The following GFRA2 variants were observed in gnomAD, a reference collection of about 807,000 sequenced individuals.
GFRA2 encodes GDNF family receptor alpha 2, also known as GDNF family receptor alpha-2.
Under a neutral mutation model 48.3 loss-of-function variants are expected in GFRA2, and 17 were observed. That is an observed-to-expected ratio of 0.35 (90% CI 0.24 to 0.53). The LOEUF is 0.53. Among genes scored for constraint, GFRA2 ranks in the 20% least tolerant of loss-of-function variants. The pLI, the probability that GFRA2 is intolerant of heterozygous loss-of-function variation, is 0.93. For missense variants in GFRA2, 660 were observed against 637.3 expected (o/e 1.04, Z -0.38); for synonymous variants, 305 against 257.2 (o/e 1.19, Z -1.78).
Position 21,767,410 on chromosome 8 carries a change from CAAT to C in GFRA2, c.439+7559_439+7561del, listed in dbSNP as rs972228200. ...GGCACACACACGTGTTCCCGTCACACAATGACCCCTCTCCCGCTGTTCCTCACC... is the reference window on the plus strand; with the variant it reads ...GGCACACACACGTGTTCCCGTCACACGACCCCTCTCCCGCTGTTCCTCACC... On this transcript the variant is annotated intron_variant, in intron 3 of 8. Transcript: ENST00000524240. Among the ~76,000 whole-genome samples, 153 of 152,358 alleles carry C rather than the reference CAAT, an allele frequency of 1.0e-3. 1 individual carries two copies. The highest frequency in any genetic ancestry group is 3.6e-3 in the African/African-American group (150 of 41,596).
At chr8:21,780,242 G>A (rs886189556) in intron 2 of GFRA2, among the ~76,000 whole-genome samples, 10 of 151,994 alleles carry the variant, frequency 6.6e-5, no homozygotes, top group East Asian at 3.9e-4. Context: ...TACGATGGCC[G>A]ATGGCCGGCA....
Position 21,735,563 on chromosome 8 carries a change from GTCTC to G in GFRA2, c.794+15021_794+15024del, listed in dbSNP as rs149803997. Among the ~76,000 whole-genome samples, 163 of 151,820 alleles carry G rather than the reference GTCTC, an allele frequency of 1.1e-3. 3 individuals carry two copies. In the East Asian group the frequency reaches 0.028, roughly 26 times the overall value. On this transcript the variant is annotated intron_variant, in intron 4 of 8. Transcript: ENST00000524240. ...CCCCACCCACTGCTGGTGCTGAGTG[GTCTC>G]TCTGAGGACCCCCAACTGGGCCAAC...
chr8:21,706,426 G>A (rs1183415208), intron 4 of GFRA2: 1 of 464,344 alleles, frequency 2.2e-6, no homozygotes, highest in Non-Finnish European at 4.3e-6. Flanking sequence ...CTGCAGCCCT[G>A]GATGAGCCTG....
intron 3 of GFRA2, among the ~76,000 whole-genome samples, chr8:21,773,900 C>T (rs1057338929): frequency 5.9e-5 from 9 of 152,092 alleles, no homozygotes; most frequent in African/African-American, 2.2e-4. Context: ...CCAGTGGGGC[C>T]GGGGACATTG....
At chr8:21,785,174 G>T (rs971383596) in intron 1 of GFRA2, among the ~76,000 whole-genome samples, 4 of 152,190 alleles carry the variant, frequency 2.6e-5, no homozygotes, top group Non-Finnish European at 4.4e-5. Flanking sequence ...TAGCCCAGGG[G>T]ATTCAGGGCA....
Position 21,786,469 on chromosome 8 carries a change from G to T in GFRA2, c.40+1651C>A, listed in dbSNP as rs368097521. 2.1e-3 allele frequency among the ~76,000 whole-genome samples: 326 copies of T among 152,318 alleles called. 1 individual carries two copies. Among genetic ancestry groups the T allele is most frequent in the African/African-American group, 7.5e-3 (311 of 41,570 alleles). On this transcript the variant is annotated intron_variant, in intron 1 of 8. Transcript: ENST00000524240. ...CCCTGATCATGCTTGGACCCAGAAGGCTGGGTTTTCAAGCTAGCAGTGGGA... is the reference window on the plus strand; with the variant it reads ...CCCTGATCATGCTTGGACCCAGAAGTCTGGGTTTTCAAGCTAGCAGTGGGA...
chr8:21,713,501 AC>A (rs1803176941), intron 4 of GFRA2, among the ~76,000 whole-genome samples: 4 of 152,008 alleles, frequency 2.6e-5, no homozygotes, highest in Admixed American at 2.6e-4. Flanking sequence ...CAGCTTGGCA[AC>A]AGTACTTGAT....
At chr8:21,755,748 G>C (rs1805536591) in intron 3 of GFRA2, among the ~76,000 whole-genome samples, 1 of 152,246 alleles carries the variant, frequency 6.6e-6, no homozygotes, top group Non-Finnish European at 1.5e-5. Context: ...GAGGGGAGCA[G>C]GTGCAATCGC....
chr8:21,782,332 A>T (rs1585337421), intron 2 of GFRA2, among the ~76,000 whole-genome samples: 1 of 50,686 alleles, frequency 2.0e-5, no homozygotes, highest in Non-Finnish European at 3.7e-5. Context: ...TCCTCCTCCC[A>T]CCACCTCCCT....
In GFRA2 at chr8:21,782,713, T is replaced by A; in HGVS notation, c.227A>T (p.Lys76Met). The change falls in exon 2 of 9, where the codon AAG (lysine) becomes ATG (methionine). Residue 76 changes from lysine to methionine, a missense_variant. Physicochemically the swap from Lys to Met is moderately conservative, Grantham distance 95 (BLOSUM62 -1). Coordinates refer to ENST00000524240, the MANE Select transcript of GFRA2 (RefSeq NM_001495.5). ...GRDRNTMLAN[K>M]ECQAALEVLQ... Reference sequence around the variant, plus strand: ...GACCTCCAAGGCCGCCTGGCACTCCTTGTTGGCCAGCATGGTGTTGCGGTC... The same window carrying A: ...GACCTCCAAGGCCGCCTGGCACTCCATGTTGGCCAGCATGGTGTTGCGGTC... 1 of 1,596,630 alleles carries A rather than the reference T, an allele frequency of 6.3e-7. No homozygotes were observed. Among genetic ancestry groups the A allele is most frequent in the Non-Finnish European group, 8.5e-7 (1 of 1,172,122 alleles).
intron 3 of GFRA2, among the ~76,000 whole-genome samples, chr8:21,772,614 G>C (rs922325897): frequency 2.0e-5 from 3 of 152,160 alleles, no homozygotes; most frequent in Admixed American, 6.5e-5. Flanking sequence ...AGGAGGGACC[G>C]GCACAGTCCC....
chr8:21,708,290 T>G (rs1030341104), intron 4 of GFRA2, among the ~76,000 whole-genome samples: 2 of 152,148 alleles, frequency 1.3e-5, no homozygotes, highest in Non-Finnish European at 2.9e-5. Context: ...CAAGCAATCC[T>G]TCACCCCTGC....
At chr8:21,768,214 C>T (rs1806273774) in intron 3 of GFRA2, among the ~76,000 whole-genome samples, 2 of 152,246 alleles carry the variant, frequency 1.3e-5, no homozygotes, top group Admixed American at 1.3e-4. Context: ...GGTGACAGAG[C>T]TGCAGCTAAA....
rs1343248044 is a variant in GFRA2, at chr8:21,693,329, C to T, written c.1344G>A (p.Pro448=). ...KPNSGPSRAR[P]SAALTVLSVL... is the part of the protein sequence containing the mutation. ...CAGACAGCACGGTCAAGGCAGCCGACGGTCTGGCTCTGCTGGGGCCTGAGT... is the reference window on the plus strand; with the variant it reads ...CAGACAGCACGGTCAAGGCAGCCGATGGTCTGGCTCTGCTGGGGCCTGAGT... Residue 448 remains proline, a synonymous_variant, in exon 9 of 9, where the codon CCG becomes CCA. Transcript: ENST00000524240. The T allele has an allele frequency of 4.3e-6, 7 of 1,613,436 alleles. No individual in the cohort carries two copies. The highest frequency in any genetic ancestry group is 4.5e-5 in the East Asian group (2 of 44,862).
rs371521393 is a variant in GFRA2, at chr8:21,788,818, CCT to C, written c.-661_-660del. ...TCTGCGTGCGTGTGTCTTTCTCTCT[CCT>C]CTCTCTCTCTCTCCTCTCCCTCGCT... On this transcript the variant is annotated 5_prime_UTR_variant, in exon 1 of 9. Transcript: ENST00000524240. 2.8e-3 allele frequency: 2,650 copies of C among 958,212 alleles called. No homozygotes were observed. The highest frequency in any genetic ancestry group is 3.0e-3 in the Non-Finnish European group (2,415 of 805,624). The allele number at this position is 958,212 out of a possible 1,614,324, so 59.4% of individuals were successfully genotyped here.
intron 1 of GFRA2, among the ~76,000 whole-genome samples, chr8:21,784,840 C>G (rs950186912): frequency 6.6e-6 from 1 of 152,196 alleles, no homozygotes; most frequent in Non-Finnish European, 1.5e-5. Context: ...TCCACACAAG[C>G]TGAGGCAGCG....
intron 4 of GFRA2, among the ~76,000 whole-genome samples, chr8:21,742,844 A>G (rs951402226): frequency 1.3e-5 from 2 of 152,284 alleles, no homozygotes; most frequent in African/African-American, 4.8e-5. Flanking sequence ...CAGGATCCGC[A>G]TCTCATCCAC....
intron 2 of GFRA2, among the ~76,000 whole-genome samples, chr8:21,782,031 G>A (rs1041125990): frequency 2.6e-5 from 4 of 152,146 alleles, no homozygotes; most frequent in Non-Finnish European, 1.5e-5. Context: ...AGGGAGGCAG[G>A]AGCCAGAAGG....
At chr8:21,711,085 T>C (rs4237072) in intron 4 of GFRA2, among the ~76,000 whole-genome samples, 116,648 of 152,144 alleles carry the variant, frequency 0.77, 44,991 homozygotes, top group African/African-American at 0.83. Context: ...GCTAGGCAAA[T>C]TTCTCCAAGG....
Sources: gnomAD v4.1 joint callset for allele counts (sites outside exome capture counted in the v4.1 genomes callset) on GRCh38, gnomAD v4.1.1 for gene constraint, MANE v1.5 for transcripts, NCBI Gene and HGNC (gene_info 2026-07-23, HGNC 2026-07-21) for gene names.